The following ZNF48 variants were observed in gnomAD, a reference collection of about 807,000 sequenced individuals.
ZNF48 encodes zinc finger protein 553.
Under a neutral mutation model 40.0 loss-of-function variants are expected in ZNF48, and 20 were observed. That is an observed-to-expected ratio of 0.50 (90% confidence interval 0.35 to 0.73). The LOEUF is 0.73. ZNF48 is among the 30% of genes least tolerant of loss of function. The pLI, the probability that ZNF48 is intolerant of heterozygous loss-of-function variation, is 0.01. For missense variants in ZNF48, 726 were observed against 851.9 expected (o/e 0.85, Z 1.84); for synonymous variants, 298 against 329.7 (o/e 0.90, Z 1.04).
At chr16:30,378,675 C>T (rs1389481853) in intron 1 of ZNF48, 2 of 1,609,128 alleles carry the variant, frequency 1.2e-6, no homozygotes, top group Non-Finnish European at 1.7e-6. Flanking sequence ...AGCGGGATCT[C>T]TGTGGCGCTC....
In ZNF48 at chr16:30,397,256, TC is replaced by T. The variant is rs2151118161; in HGVS notation, c.80-72del. ...TGACCACAGATTGTCAAGGGAGTCTTCCTGGAGAGGTTGCTGTCAAAGATAA... is the reference window on the plus strand; with the variant it reads ...TGACCACAGATTGTCAAGGGAGTCTTCTGGAGAGGTTGCTGTCAAAGATAA... On this transcript the variant is annotated intron_variant, in intron 2 of 2. Coordinates refer to ENST00000613509, the MANE Select transcript of ZNF48 (RefSeq NM_001214909.2). The surrounding 1 kb of genome is among the most constrained non-coding windows in gnomAD (Gnocchi z 4.1). The T allele has an allele frequency of 7.3e-7, 1 of 1,376,490 alleles. No individual in the cohort carries two copies. The highest frequency in any genetic ancestry group is 1.0e-6 in the Non-Finnish European group (1 of 1,002,798). 85.3% of individuals were successfully genotyped at this position (1,376,490 alleles called of 1,614,324 possible).
chr16:30,398,882 G>A lies in ZNF48; in HGVS notation c.1632G>A (p.Val544=). 2 of 1,613,970 alleles carry A rather than the reference G, an allele frequency of 1.2e-6. No homozygotes were observed. Among genetic ancestry groups the A allele is most frequent in the African/African-American group, 1.3e-5 (1 of 75,028 alleles). Residue 544 remains valine, a synonymous_variant, in exon 3 of 3, where the codon GTG becomes GTA. Coordinates refer to ENST00000613509, the MANE Select transcript of ZNF48 (RefSeq NM_001214909.2). This position sits in a 1 kb window ranked among gnomAD's most constrained non-coding sequence, Gnocchi z 6.6. The stretch of plus-strand genomic sequence containing the variant: ...CTTCTGGACCCAGCCAGCCCCACGT[G>A]TGTGGCTTCTGTGGGAAGGAGTTCC... ...AQPSGPSQPH[V]CGFCGKEFPR... is the part of the protein sequence containing the mutation.
chr16:30,381,003 G>C lies in ZNF48; in HGVS notation c.-16+2593G>C. ...GGCTTACCACCCGCCTTCCTCAGAA[G>C]CTTCTCCTACAATCTAGCCTGATGC... On this transcript the variant is annotated intron_variant, in intron 1 of 2. Coordinates refer to the ZNF48 transcript ENST00000528032. This position sits in a 1 kb window ranked among gnomAD's most constrained non-coding sequence, Gnocchi z 4.3. 1.2e-6 allele frequency: 1 copy of C among 826,232 alleles called. No individual in the cohort carries two copies. 51.2% of individuals were successfully genotyped at this position (826,232 alleles called of 1,614,324 possible).
chr16:30,395,075 C>T (rs2049968556), upstream of ZNF48: 9 of 380,722 alleles, frequency 2.4e-5, no homozygotes, highest in South Asian at 1.3e-4. The surrounding 1 kb of genome is among the most constrained non-coding windows in gnomAD (Gnocchi z 5.9). Flanking sequence ...TTGGTCTCTC[C>T]CCCACCCCTT....
intron 2 of ZNF48, among the ~76,000 whole-genome samples, chr16:30,396,863 A>ATT (rs550533744): frequency 8.7e-5 from 13 of 149,414 alleles, no homozygotes; most frequent in African/African-American, 2.9e-4. Context: ...TAATTTTTGT[A>ATT]TTTTTTTTTG....
At chr16:30,396,688 CTTT>C (rs1167683501) in intron 2 of ZNF48, among the ~76,000 whole-genome samples, 15 of 112,064 alleles carry the variant, frequency 1.3e-4, no homozygotes, top group Admixed American at 3.8e-4. Context: ...CGCTTTGCTA[CTTT>C]TTTTTTTTTT....
chr16:30,397,908 T>C lies in ZNF48; in HGVS notation c.658T>C (p.Tyr220His). The C allele has an allele frequency of 6.2e-7, 1 of 1,612,954 alleles. No individual in the cohort carries two copies. The highest frequency in any genetic ancestry group is 1.1e-5 in the South Asian group (1 of 91,056). The part of the protein sequence containing the change: ...HQRTHTGEKP[Y>H]KCGICGKGFG... ...GCGGACACACACTGGTGAGAAGCCCTACAAGTGTGGCATATGTGGCAAGGG... is the reference window on the plus strand; with the variant it reads ...GCGGACACACACTGGTGAGAAGCCCCACAAGTGTGGCATATGTGGCAAGGG... Residue 220 changes from tyrosine to histidine, a missense_variant, in exon 3 of 3, where the codon TAC becomes CAC. Transcript: ENST00000613509. The surrounding 1 kb of genome is among the most constrained non-coding windows in gnomAD (Gnocchi z 4.1).
intron 1 of ZNF48, chr16:30,379,213 C>T (rs1364876162): frequency 1.2e-6 from 2 of 1,611,876 alleles, no homozygotes; most frequent in Admixed American, 1.7e-5. Flanking sequence ...GACCAGCGAA[C>T]GTCAGGGAGT....
intron 1 of ZNF48, among the ~76,000 whole-genome samples, chr16:30,385,311 G>A (rs2049893071): frequency 6.6e-6 from 1 of 151,986 alleles, no homozygotes; most frequent in South Asian, 2.1e-4. Context: ...ACCAGGTTGA[G>A]CATCTCTATG....
At chr16:30,389,444 G>A (rs1391922597) in intron 1 of ZNF48, among the ~76,000 whole-genome samples, 13 of 149,590 alleles carry the variant, frequency 8.7e-5, no homozygotes, top group Non-Finnish European at 1.3e-4. Flanking sequence ...ATGGTGGTGC[G>A]CGCCTGTAAT....
chr16:30,398,511 G>C lies in ZNF48; in HGVS notation c.1261G>C (p.Gly421Arg). 4.4e-6 allele frequency: 7 copies of C among 1,598,254 alleles called. No homozygotes were observed. Among genetic ancestry groups the C allele is most frequent in the Non-Finnish European group, 5.1e-6 (6 of 1,171,784 alleles). The change falls in exon 3 of 3, where the codon GGT becomes CGT. Residue 421 changes from glycine to arginine, a missense_variant. Transcript: ENST00000613509. The surrounding 1 kb of genome is among the most constrained non-coding windows in gnomAD (Gnocchi z 6.6). ...PLTPRSPSHSGEPFGLPGLEP... is the reference protein window; with the variant it reads ...PLTPRSPSHSREPFGLPGLEP... ...GACACCTCGAAGTCCCTCACACTCG[G>C]GTGAGCCTTTTGGCCTGCCTGGCTT...
At chr16:30,379,186 G>A in intron 1 of ZNF48, 1 of 1,613,884 alleles carries the variant, frequency 6.2e-7, no homozygotes, top group Non-Finnish European at 8.5e-7. Flanking sequence ...GTTCTCCACT[G>A]GAGGGGGGGC....
intron 1 of ZNF48, chr16:30,379,015 C>T (rs1382624012): frequency 6.2e-7 from 1 of 1,612,624 alleles, no homozygotes; most frequent in East Asian, 2.2e-5. Context: ...CCCCGGGTCT[C>T]ACCTGCGGCT....
At position 30,398,361 on chromosome 16, in the gene ZNF48, A is replaced by G; in HGVS notation, c.1111A>G (p.Ser371Gly). ...CPECDRTFSL[S>G]STLLRHRLTH... Reference sequence around the variant, plus strand: ...GGAATGCGACCGTACCTTCAGCCTCAGCTCCACCCTTCTTCGCCACCGCCT... The same window carrying G: ...GGAATGCGACCGTACCTTCAGCCTCGGCTCCACCCTTCTTCGCCACCGCCT... Residue 371 changes from serine (S) to glycine (G), a missense_variant, in exon 3 of 3, where the codon AGC (serine) becomes GGC (glycine). Transcript: ENST00000613509. The surrounding 1 kb of genome is among the most constrained non-coding windows in gnomAD (Gnocchi z 6.6). 2 of 1,613,168 alleles carry G rather than the reference A, an allele frequency of 1.2e-6. No homozygotes were observed. The highest frequency in any genetic ancestry group is 1.7e-6 in the Non-Finnish European group (2 of 1,179,758).
rs1041739800 is a variant in ZNF48, at chr16:30,398,301, C to T, written c.1051C>T (p.Arg351Cys). The T allele has an allele frequency of 4.3e-6, 7 of 1,613,442 alleles. No individual in the cohort carries two copies. Among genetic ancestry groups the T allele is most frequent in the East Asian group, 2.2e-5 (1 of 44,872 alleles). The change falls in exon 3 of 3, where the codon CGC becomes TGC. Residue 351 changes from arginine to cysteine, a missense_variant. Physicochemically the swap from Arg to Cys is radical, Grantham distance 180 (BLOSUM62 -3). Coordinates refer to ENST00000613509, the MANE Select transcript of ZNF48 (RefSeq NM_001214909.2). The surrounding 1 kb of genome is among the most constrained non-coding windows in gnomAD (Gnocchi z 6.6). Reference protein sequence around the residue: ...ADSSARVKHLRTHSGERPHAC... With the variant: ...ADSSARVKHLCTHSGERPHAC... ...CAGCTCCGCCCGAGTCAAACACCTCCGCACCCACAGTGGCGAGAGGCCCCA... is the reference window on the plus strand; with the variant it reads ...CAGCTCCGCCCGAGTCAAACACCTCTGCACCCACAGTGGCGAGAGGCCCCA...
chr16:30,381,482 G>A lies in ZNF48; in HGVS notation c.-16+3072G>A. 6.2e-7 allele frequency: 1 copy of A among 1,614,010 alleles called. No homozygotes were observed. Among genetic ancestry groups the A allele is most frequent in the Non-Finnish European group, 8.5e-7 (1 of 1,179,984 alleles). On this transcript the variant is annotated intron_variant, in intron 1 of 2. Transcript: ENST00000528032. The surrounding 1 kb of genome is among the most constrained non-coding windows in gnomAD (Gnocchi z 4.3). ...TCACCACCGGAAGCCAGCTGGGTGT[G>A]GGGAGAGGATGTGAGGTCAGAGATC...
intron 1 of ZNF48, among the ~76,000 whole-genome samples, chr16:30,384,528 AC>A (rs2049885550): frequency 6.6e-6 from 1 of 151,830 alleles, no homozygotes; most frequent in African/African-American, 2.4e-5. Context: ...GTCTCAAAAA[AC>A]AAAAAACAAA....
chr16:30,387,824 CTA>C, intron 1 of ZNF48, among the ~76,000 whole-genome samples: 1 of 151,966 alleles, frequency 6.6e-6, no homozygotes, highest in Middle Eastern at 3.4e-3. Context: ...CTCCCAATCA[CTA>C]TCTTTCTATA....
chr16:30,398,251 C>T lies in ZNF48; in HGVS notation c.1001C>T (p.Pro334Leu), dbSNP rs959266332. The T allele has an allele frequency of 1.2e-6, 2 of 1,613,412 alleles. No individual in the cohort carries two copies. Among genetic ancestry groups the T allele is most frequent in the Non-Finnish European group, 1.7e-6 (2 of 1,180,032 alleles). ...VHTGEKPYLC[P>L]ECGKGFADSS... is the part of the protein sequence containing the mutation. ...ACGGGTGAGAAGCCCTACCTCTGCC[C>T]AGAGTGCGGCAAAGGTTTCGCGGAC... is the stretch of plus-strand genomic sequence containing the variant. The change falls in exon 3 of 3, where the codon CCA becomes CTA. Residue 334 changes from proline (P) to leucine (L), a missense_variant. Physicochemically the swap from Pro to Leu is moderately conservative, Grantham distance 98. Coordinates refer to ENST00000613509, the MANE Select transcript of ZNF48 (RefSeq NM_001214909.2). This position sits in a 1 kb window ranked among gnomAD's most constrained non-coding sequence, Gnocchi z 6.6.
Sources: allele counts gnomAD v4.1 joint callset (sites outside exome capture counted in the v4.1 genomes callset), GRCh38; gene constraint gnomAD v4.1.1; non-coding constraint Gnocchi (gnomAD v3.1); transcripts MANE v1.5; gene names NCBI Gene and HGNC (gene_info 2026-07-23, HGNC 2026-07-21).